GRIK4: variants seen among roughly 807,000 people sequenced by gnomAD.
The protein encoded by GRIK4 is glutamate receptor ionotropic, kainate 4.
GRIK4 carries 40 observed loss-of-function variants against 104.9 expected under a neutral mutation model. That is an observed-to-expected ratio of 0.38 (90% CI 0.30 to 0.50). The LOEUF (loss-of-function observed/expected upper bound fraction) is 0.50. GRIK4 is among the 20% of genes least tolerant of loss of function. The probability of loss-of-function intolerance (pLI) is 0.93; values close to 1 mark genes in which losing one functional copy is unlikely to be tolerated. For synonymous variants in GRIK4, 485 were observed against 524.9 expected (o/e 0.92, Z 1.04); for missense variants, 1,047 against 1,308.1 (o/e 0.80, Z 3.08).
chr11:120,570,870 A>G (rs1040781465), intron 1 of GRIK4, among the ~76,000 whole-genome samples: 2 of 152,204 alleles, frequency 1.3e-5, no homozygotes, highest in African/African-American at 4.8e-5. Flanking sequence ...TTTACATTAT[A>G]TCTGTGTGAA....
chr11:120,531,040 A>T (rs7121110), intron 1 of GRIK4, among the ~76,000 whole-genome samples: 4,728 of 152,252 alleles, frequency 0.031, 238 homozygotes, highest in African/African-American at 0.11. Context: ...CCTGGTTCCC[A>T]TCATAGGCTC....
rs1249876071 is a variant in GRIK4, at chr11:120,519,867, TTTTTTTTTTTTTG to T, written c.-159+7992_-159+8004del. The stretch of plus-strand genomic sequence containing the variant: ...TACCTCTGGCTACCTCACTACTGGT[TTTTTTTTTTTTTG>T]TTTTTTTTTTTGTTGTTGTTGTTTT... On this transcript the variant is annotated intron_variant, in intron 1 of 20. Coordinates refer to ENST00000527524, the MANE Select transcript of GRIK4 (RefSeq NM_014619.5). Among the ~76,000 whole-genome samples, 515 of 111,952 alleles carry T rather than the reference TTTTTTTTTTTTTG, an allele frequency of 4.6e-3. 4 individuals carry two copies. Among genetic ancestry groups the T allele is most frequent in the African/African-American group, 0.018 (480 of 26,168 alleles). 73.4% of individuals were successfully genotyped at this position (111,952 alleles called of 152,430 possible).
At position 120,819,649 on chromosome 11, in the gene GRIK4, T is replaced by C. The variant is rs138306471; in HGVS notation, c.346-106T>C. The C allele has an allele frequency of 7.1e-4, 728 of 1,019,308 alleles. 11 individuals are homozygous for C. The East Asian group carries it at 0.017, about 23-fold the overall frequency. 63.1% of individuals were successfully genotyped at this position (1,019,308 alleles called of 1,614,324 possible). ...CTCCCATTGGTGTCTGGCGAAGGTG[T>C]TACATAAAAGAACTCACCCTCCACA... On this transcript the variant is annotated intron_variant, in intron 5 of 20. Coordinates refer to ENST00000527524, the MANE Select transcript of GRIK4 (RefSeq NM_014619.5). The surrounding 1 kb of genome is among the most constrained non-coding windows in gnomAD (Gnocchi z 4.3).
At chr11:120,668,275 A>AAAAGAGAG (rs749161900) in intron 3 of GRIK4, among the ~76,000 whole-genome samples, 26 of 151,780 alleles carry the variant, frequency 1.7e-4, no homozygotes, top group Non-Finnish European at 3.2e-4. Context: ...AAAGAAAGAA[A>AAAAGAGAG]AAAGAGAGAA....
chr11:120,953,112 G>A lies in GRIK4; in HGVS notation c.1700+148G>A. The A allele has an allele frequency of 3.2e-6, 2 of 623,678 alleles. No homozygotes were observed. Among genetic ancestry groups the A allele is most frequent in the Middle Eastern group, 3.7e-4 (1 of 2,684 alleles). The allele number at this position is 623,678 out of a possible 1,614,324, so 38.6% of individuals were successfully genotyped here. ...ACTAGAAGGACAGGAGAAGGACTGG[G>A]GGCCTGAAATGCTCTCTGCCCAGCT... On this transcript the variant is annotated intron_variant, in intron 15 of 20. Coordinates refer to ENST00000527524, the MANE Select transcript of GRIK4 (RefSeq NM_014619.5). The surrounding 1 kb of genome is among the most constrained non-coding windows in gnomAD (Gnocchi z 4.9).
At chr11:120,843,110 A>G (rs1172504482) in intron 8 of GRIK4, among the ~76,000 whole-genome samples, 1 of 152,270 alleles carries the variant, frequency 6.6e-6, no homozygotes, top group Non-Finnish European at 1.5e-5. Flanking sequence ...GGGACTGCCA[A>G]TGAAAGATGG....
At position 120,986,278 on chromosome 11, in the gene GRIK4, C is replaced by T. The variant is rs575143796; in HGVS notation, c.*18C>T. 48 of 1,405,892 alleles carry T rather than the reference C, an allele frequency of 3.4e-5. No homozygotes were observed. The African/African-American group carries it at 6.4e-4, about 19-fold the overall frequency. 87.1% of individuals were successfully genotyped at this position (1,405,892 alleles called of 1,614,324 possible). On this transcript the variant is annotated 3_prime_UTR_variant, in exon 21 of 21. Transcript: ENST00000527524. ...CCGAGTAGTCCCGGAGGCCACAGGA[C>T]GCGCAGAGGCCGGGCGGGGCGGGAG...
At chr11:120,616,183 A>G (rs1007120743) in intron 1 of GRIK4, among the ~76,000 whole-genome samples, 12 of 151,992 alleles carry the variant, frequency 7.9e-5, no homozygotes, top group Non-Finnish European at 1.0e-4. Flanking sequence ...GAATTGGTGC[A>G]TGGTGGGGAT....
At chr11:120,557,844 G>A (rs747379972) in intron 1 of GRIK4, among the ~76,000 whole-genome samples, 3 of 151,830 alleles carry the variant, frequency 2.0e-5, no homozygotes, top group African/African-American at 4.8e-5. Flanking sequence ...GTGAAACTCC[G>A]TCTCTACTAA....
intron 1 of GRIK4, among the ~76,000 whole-genome samples, chr11:120,525,811 G>A (rs1041558243): frequency 4.6e-5 from 7 of 152,094 alleles, no homozygotes; most frequent in African/African-American, 1.2e-4. Context: ...GGGGGGTGAC[G>A]GGAGGGCTTG....
intron 1 of GRIK4, among the ~76,000 whole-genome samples, chr11:120,537,651 T>C (rs753346273): frequency 3.3e-5 from 5 of 152,192 alleles, no homozygotes; most frequent in Non-Finnish European, 7.3e-5. Context: ...CACCCGCCTA[T>C]GTAGCGGGCG....
At chr11:120,969,514 A>G (rs183136605) in intron 19 of GRIK4, among the ~76,000 whole-genome samples, 1 of 152,120 alleles carries the variant, frequency 6.6e-6, no homozygotes, top group Non-Finnish European at 1.5e-5. Context: ...TGGGTTGTGT[A>G]ATGGGTTTGT....
At chr11:120,689,540 G>T (rs890035683) in intron 3 of GRIK4, among the ~76,000 whole-genome samples, 1 of 151,586 alleles carries the variant, frequency 6.6e-6, no homozygotes, top group Non-Finnish European at 1.5e-5. Context: ...TGGCCACTCA[G>T]TATTCCTGTA....
rs149662157 is a variant in GRIK4, at chr11:120,575,220, C to T, written c.-159+63333C>T. ...CCCTTTGAGGACACGAGCATTTTGG[C>T]GAATTCTGAAGAGCACACGTTTTCC... On this transcript the variant is annotated intron_variant, in intron 1 of 20. Coordinates refer to ENST00000527524, the MANE Select transcript of GRIK4 (RefSeq NM_014619.5). Among the ~76,000 whole-genome samples, 80 of 152,192 alleles carry T rather than the reference C, an allele frequency of 5.3e-4. No individual in the cohort carries two copies. In the South Asian group the frequency reaches 0.016, roughly 30 times the overall value.
At chr11:120,710,260 C>G (rs17124222) in intron 3 of GRIK4, among the ~76,000 whole-genome samples, 8,718 of 152,228 alleles carry the variant, frequency 0.057, 380 homozygotes, top group East Asian at 0.11. Flanking sequence ...TTTCTGGGAC[C>G]TGTTCCATTT....
At chr11:120,924,243 A>G (rs1943289868) in intron 13 of GRIK4, among the ~76,000 whole-genome samples, 1 of 152,154 alleles carries the variant, frequency 6.6e-6, no homozygotes, top group African/African-American at 2.4e-5. Flanking sequence ...AGAGAGGTGC[A>G]CAGGAGGTTG....
chr11:120,526,460 A>G (rs929251834), intron 1 of GRIK4, among the ~76,000 whole-genome samples: 51 of 152,314 alleles, frequency 3.3e-4, no homozygotes, highest in African/African-American at 1.1e-3. Context: ...GGCCTCTCAA[A>G]GCCCTGGGAT....
At chr11:120,721,573 G>A (rs942459269) in intron 3 of GRIK4, among the ~76,000 whole-genome samples, 9 of 152,252 alleles carry the variant, frequency 5.9e-5, no homozygotes, top group Admixed American at 2.0e-4. Flanking sequence ...ACCAGGTGAA[G>A]CAAGGCAAGC....
chr11:120,738,409 T>C (rs1847800421), intron 3 of GRIK4, among the ~76,000 whole-genome samples: 1 of 152,198 alleles, frequency 6.6e-6, no homozygotes, highest in Non-Finnish European at 1.5e-5. Context: ...GGGCAAGCGA[T>C]AGGTCAGGAA....
Sources: gnomAD v4.1 joint callset for allele counts (sites outside exome capture counted in the v4.1 genomes callset) on GRCh38, gnomAD v4.1.1 for gene constraint, Gnocchi (gnomAD v3.1) non-coding constraint, MANE v1.5 for transcripts, NCBI Gene and HGNC (gene_info 2026-07-23, HGNC 2026-07-21) for gene names.